TGM2: variants seen among roughly 807,000 people sequenced by gnomAD.
The protein encoded by TGM2 is transglutaminase 2.
Under a neutral mutation model 75.6 loss-of-function variants are expected in TGM2, and 53 were observed. The observed-to-expected ratio is 0.70, with a 90% CI of 0.56 to 0.88. The LOEUF is 0.88. TGM2 is among the 40% of genes least tolerant of loss of function. The pLI is 0.00. For synonymous variants in TGM2, 374 were observed against 381.1 expected (o/e 0.98, Z 0.22); for missense variants, 842 against 928.5 (o/e 0.91, Z 1.21).
intron 11 of TGM2, 119 bp from the exon 12 acceptor site, chr20:38,131,348 C>CG (rs2074828987): frequency 1.5e-6 from 2 of 1,356,766 alleles, no homozygotes; most frequent in South Asian, 1.2e-5. Flanking sequence ...CTGCCACGAT[C>CG]ACCCCCCCTC....
chr20:38,149,678 CAAAAAAAA>C (rs1199376180), intron 4 of TGM2, among the ~76,000 whole-genome samples: 2 of 40,464 alleles, frequency 4.9e-5, no homozygotes, highest in Non-Finnish European at 9.9e-5. Context: ...GACTCCGCCT[CAAAAAAAA>C]AAAAAAAAAA....
rs192603739 is a variant in TGM2 at position 38,160,831 on chromosome 20, T to A, written c.190+589A>T. Among the ~76,000 whole-genome samples, 14 of 152,268 alleles carry A rather than the reference T, an allele frequency of 9.2e-5. No homozygotes were observed. In the East Asian group the frequency reaches 2.7e-3, roughly 29 times the overall value. ...TTGATATGGGAAAGGGCAGACAGGA[T>A]CTTTTTCTTTTTTCTTTTAAGGTGG... is the stretch of plus-strand genomic sequence containing the variant. On this transcript the variant is annotated intron_variant, in intron 2 of 12. Transcript: ENST00000361475.
chr20:38,148,117 G>C (rs536717121), intron 4 of TGM2, 28 bp from the exon 5 acceptor site: 3 of 1,613,716 alleles, frequency 1.9e-6, no homozygotes, highest in East Asian at 4.5e-5. Flanking sequence ...AGAGGAGAAA[G>C]AGGGAGCTGG....
Position 38,141,393 on chromosome 20 carries a change from G to A in TGM2, c.996-8C>T. The A allele has an allele frequency of 1.3e-6, 2 of 1,565,344 alleles. No homozygotes were observed. The highest frequency in any genetic ancestry group is 1.7e-6 in the Non-Finnish European group (2 of 1,153,224). Reference sequence around the variant, plus strand: ...ACCCAGCAGTGGAAGTTCCTGAGGGGGATAGGGGGGCGGGAATGAAGCAGA... The same window carrying A: ...ACCCAGCAGTGGAAGTTCCTGAGGGAGATAGGGGGGCGGGAATGAAGCAGA... On this transcript the variant is annotated splice_region_variant and splice_polypyrimidine_tract_variant and intron_variant, in intron 7 of 12. Transcript: ENST00000361475.
intron 4 of TGM2, among the ~76,000 whole-genome samples, chr20:38,149,906 A>G (rs929298010): frequency 3.9e-5 from 6 of 152,148 alleles, no homozygotes; most frequent in African/African-American, 1.4e-4. Flanking sequence ...TCAGATGAGA[A>G]AACTTTGGTC....
intron 6 of TGM2, among the ~76,000 whole-genome samples, chr20:38,144,195 A>G (rs1454286572): frequency 6.6e-6 from 1 of 152,172 alleles, no homozygotes; most frequent in Non-Finnish European, 1.5e-5. Context: ...CTGCCCCAGC[A>G]CCGTGCACAC....
chr20:38,166,896 G>A (rs951563093), upstream of TGM2, among the ~76,000 whole-genome samples: 2 of 152,196 alleles, frequency 1.3e-5, no homozygotes, highest in Admixed American at 1.3e-4. Flanking sequence ...AGAGCAGCGT[G>A]AGGAGAATCA....
intron 4 of TGM2, 122 bp downstream of exon 4, chr20:38,150,817 C>T (rs45622339): frequency 7.2e-6 from 6 of 827,760 alleles, no homozygotes; most frequent in Non-Finnish European, 1.3e-5. Flanking sequence ...GCATCCCTGA[C>T]AGCATGAAGT....
rs753420541 is a variant in TGM2 at position 38,148,057 on chromosome 20, G to A, written c.585C>T (p.Ile195=). 5 of 1,614,164 alleles carry A rather than the reference G, an allele frequency of 3.1e-6. No individual in the cohort carries two copies. The highest frequency in any genetic ancestry group is 1.1e-5 in the South Asian group (1 of 91,068). Residue 195 remains isoleucine (I), a synonymous_variant, in exon 5 of 13, where the codon ATC becomes ATT. Transcript: ENST00000361475. ...FEDGILDICL[I]LLDVNPKFLK... ...GGAACTTGGGGTTGACATCTAGAAG[G>A]ATCAGGCAGATGTCTAGGATCCCAT...
At chr20:38,156,531 C>A (rs767004262) in intron 2 of TGM2, among the ~76,000 whole-genome samples, 56 of 152,248 alleles carry the variant, frequency 3.7e-4, no homozygotes, top group Non-Finnish European at 7.3e-4. Flanking sequence ...TACCTGCTAG[C>A]GTCCCGCTTT....
chr20:38,138,455 G>A (rs1024544327), intron 9 of TGM2, 70 bp from the exon 10 acceptor site: 11 of 1,608,834 alleles, frequency 6.8e-6, no homozygotes, highest in Admixed American at 1.7e-5. Flanking sequence ...GCAACAGGGC[G>A]AGCTGTCTTC....
chr20:38,151,664 C>A (rs982073834), intron 3 of TGM2, among the ~76,000 whole-genome samples: 81 of 152,202 alleles, frequency 5.3e-4, no homozygotes, highest in African/African-American at 1.9e-3. Context: ...AGGGTTCCTG[C>A]AGCTCAGGAG....
rs2074778004 is a variant in TGM2 at position 38,127,416 on chromosome 20, T to C, written c.*2803A>G. The C allele has an allele frequency of 2.1e-6, 2 of 973,386 alleles. No individual in the cohort carries two copies. Among genetic ancestry groups the C allele is most frequent in the African/African-American group, 3.5e-5 (2 of 56,990 alleles). 60.3% of individuals were successfully genotyped at this position (973,386 alleles called of 1,614,324 possible). On this transcript the variant is annotated 3_prime_UTR_variant, in exon 13 of 13. Transcript: ENST00000361475. Reference sequence around the variant, plus strand: ...GTCATGTTTTTATTTTGATTTATTTTTTATGTGCATGTCATGTCTTTCTAC... The same window carrying C: ...GTCATGTTTTTATTTTGATTTATTTCTTATGTGCATGTCATGTCTTTCTAC...
At chr20:38,155,793 G>C in intron 3 of TGM2, 54 bp downstream of exon 3, 1 of 1,558,188 alleles carries the variant, frequency 6.4e-7, no homozygotes, top group South Asian at 1.2e-5. Context: ...CTCCTCCATG[G>C]GCGGATCCAG....
chr20:38,138,174 C>G lies in TGM2; in HGVS notation c.1554G>C (p.Gly518=). 6.2e-7 allele frequency: 1 copy of G among 1,606,502 alleles called. No individual in the cohort carries two copies. Among genetic ancestry groups the G allele is most frequent in the Non-Finnish European group, 8.5e-7 (1 of 1,176,544 alleles). ...LLCARTVSYN[G]ILGPECGTKY... The stretch of plus-strand genomic sequence containing the variant: ...TGGTGCCACACTCGGGCCCCAAGAT[C>G]CCATTGTAGCTGACGGTGCGGGCAC... Residue 518 remains glycine, a synonymous_variant, in exon 10 of 13, where the codon GGG becomes GGC. Coordinates refer to ENST00000361475, the MANE Select transcript of TGM2 (RefSeq NM_004613.4).
chr20:38,156,587 G>A (rs1419980867), intron 2 of TGM2, among the ~76,000 whole-genome samples: 5 of 152,226 alleles, frequency 3.3e-5, no homozygotes, highest in African/African-American at 7.2e-5. Context: ...AAGGGACCTC[G>A]GTCCTCTGAG....
chr20:38,151,036 G>C lies in TGM2; in HGVS notation c.455C>G (p.Ser152Trp). The C allele has an allele frequency of 6.2e-7, 1 of 1,614,048 alleles. No homozygotes were observed. Among genetic ancestry groups the C allele is most frequent in the Non-Finnish European group, 8.5e-7 (1 of 1,179,944 alleles). The change falls in exon 4 of 13, where the codon TCG (serine) becomes TGG (tryptophan). Residue 152 changes from serine to tryptophan, a missense_variant. Transcript: ENST00000361475. ...GACATACTCCTGCCGCTCCTCTTCC[G>C]AGTCCAGGTACACAGCATCCGCTGC... is the stretch of plus-strand genomic sequence containing the variant. ...WCPADAVYLD[S>W]EEERQEYVLT... is the part of the protein sequence containing the mutation.
Position 38,128,467 on chromosome 20 carries a change from T to C in TGM2, c.*1752A>G, listed in dbSNP as rs2074788991. On this transcript the variant is annotated 3_prime_UTR_variant, in exon 13 of 13. Transcript: ENST00000361475. ...AGGAACAGACCAGACCTAGTTTGAG[T>C]GTGAAAAATAAACTATTTTATTTCA... The C allele has an allele frequency of 6.6e-6, 1 of 152,196 alleles. No individual in the cohort carries two copies. Among genetic ancestry groups the C allele is most frequent in the Non-Finnish European group, 1.5e-5 (1 of 68,038 alleles). The allele number at this position is 152,196 out of a possible 1,614,324, so 9.4% of individuals were successfully genotyped here.
chr20:38,148,291 C>T (rs2075071519), intron 4 of TGM2, among the ~76,000 whole-genome samples: 1 of 152,200 alleles, frequency 6.6e-6, no homozygotes, highest in Non-Finnish European at 1.5e-5. Context: ...CTGGGTGAGC[C>T]ATGAGTGTGT....
Sources: allele counts gnomAD v4.1 joint callset (sites outside exome capture counted in the v4.1 genomes callset), GRCh38; gene constraint gnomAD v4.1.1; transcripts MANE v1.5; gene names NCBI Gene and HGNC (gene_info 2026-07-23, HGNC 2026-07-21).